Variants in AKAP19 observed in about 807,000 individuals in gnomAD.
AKAP19 encodes the protein A-kinase anchoring protein 19, also known as small A-kinase anchoring protein.
At chr2:189,929,032 C>A in the AKAP19 span, among the ~76,000 whole-genome samples, 1 of 152,082 alleles carries the variant, frequency 6.6e-6, no homozygotes, top group South Asian at 2.1e-4. Flanking sequence ...AGTATTCTTA[C>A]ATTAAATGGA....
At chr2:190,023,499 A>G in the AKAP19 span, among the ~76,000 whole-genome samples, 1 of 152,086 alleles carries the variant, frequency 6.6e-6, no homozygotes, top group Admixed American at 6.6e-5. Context: ...TGACTATAGA[A>G]TGATCCTTGT....
At chr2:190,041,147 C>T in the AKAP19 span, among the ~76,000 whole-genome samples, 1 of 152,132 alleles carries the variant, frequency 6.6e-6, no homozygotes, top group African/African-American at 2.4e-5. Context: ...ATCCTTCCTA[C>T]CCATGAGCAT....
chr2:190,137,657 G>C, the AKAP19 span: 17 of 152,178 alleles, frequency 1.1e-4, no homozygotes, highest in Non-Finnish European at 2.2e-4. Context: ...CAGAAAAACT[G>C]ATCGGAGGGT....
At chr2:190,149,540 A>G in the AKAP19 span, among the ~76,000 whole-genome samples, 1 of 152,132 alleles carries the variant, frequency 6.6e-6, no homozygotes, top group African/African-American at 2.4e-5. Context: ...CATTCAGTTC[A>G]AAGAATTTTA....
At chr2:189,979,866 G>A in the AKAP19 span, among the ~76,000 whole-genome samples, 2 of 152,152 alleles carry the variant, frequency 1.3e-5, no homozygotes, top group Non-Finnish European at 2.9e-5. Context: ...AAAGTATGAT[G>A]AGATACCATC....
the AKAP19 span, among the ~76,000 whole-genome samples, chr2:190,011,785 T>G: frequency 6.6e-6 from 1 of 152,194 alleles, no homozygotes; most frequent in Non-Finnish European, 1.5e-5. Context: ...TTTCCATTGG[T>G]CTGTGTATCC....
At chr2:190,124,885 C>A in the AKAP19 span, among the ~76,000 whole-genome samples, 1 of 151,770 alleles carries the variant, frequency 6.6e-6, no homozygotes, top group South Asian at 2.1e-4. Context: ...TTATTTTTTA[C>A]TTTTAAACTT....
the AKAP19 span, among the ~76,000 whole-genome samples, chr2:189,899,388 A>G: frequency 6.6e-6 from 1 of 152,028 alleles, no homozygotes; most frequent in Non-Finnish European, 1.5e-5. Flanking sequence ...CCTTTATGTG[A>G]TCTCCTCTCC....
chr2:189,952,221 T>C, the AKAP19 span, among the ~76,000 whole-genome samples: 2 of 152,226 alleles, frequency 1.3e-5, no homozygotes, highest in African/African-American at 4.8e-5. Flanking sequence ...ATAAAACTTG[T>C]ATGCTTTTTC....
chr2:190,103,440 C>A, the AKAP19 span, among the ~76,000 whole-genome samples: 1 of 152,146 alleles, frequency 6.6e-6, no homozygotes, highest in Admixed American at 6.5e-5. Context: ...TTAGAAAGTC[C>A]CAAAGACTCT....
the AKAP19 span, among the ~76,000 whole-genome samples, chr2:189,979,461 C>A: frequency 1.3e-5 from 2 of 152,178 alleles, no homozygotes; most frequent in East Asian, 3.9e-4. Context: ...TATAAGACCT[C>A]AAACTATAAA....
At chr2:190,202,207 A>G in the AKAP19 span, 1 of 167,034 alleles carries the variant, frequency 6.0e-6, no homozygotes, top group Non-Finnish European at 1.5e-5. Context: ...GCCCTTCCTC[A>G]GCAACTATGG....
chr2:189,958,698 C>A, the AKAP19 span, among the ~76,000 whole-genome samples: 1 of 150,612 alleles, frequency 6.6e-6, no homozygotes, highest in Non-Finnish European at 1.5e-5. Flanking sequence ...GAAAAAAAAA[C>A]CTCCAAATGT....
At chr2:190,104,084 G>A in the AKAP19 span, among the ~76,000 whole-genome samples, 3 of 152,140 alleles carry the variant, frequency 2.0e-5, no homozygotes, top group Admixed American at 6.5e-5. Flanking sequence ...TAAGCAATGA[G>A]GAAAGGACTC....
the AKAP19 span, chr2:190,200,196 A>C: frequency 2.0e-6 from 3 of 1,535,882 alleles, 1 homozygote; most frequent in South Asian, 3.5e-5. Context: ...AGTTTGAATA[A>C]ATGTGACAAA....
chr2:189,902,954 G>GAA, the AKAP19 span, among the ~76,000 whole-genome samples: 1 of 148,828 alleles, frequency 6.7e-6, no homozygotes, highest in Admixed American at 6.7e-5. Context: ...AACTACAGAG[G>GAA]AAAAAAAAAC....
chr2:189,885,707 A>G, the AKAP19 span, among the ~76,000 whole-genome samples: 4 of 152,238 alleles, frequency 2.6e-5, no homozygotes, highest in African/African-American at 9.6e-5. Context: ...GGGATTGGAA[A>G]TTCATCTGAC....
At chr2:189,923,666 T>C in the AKAP19 span, 13 of 1,613,820 alleles carry the variant, frequency 8.1e-6, 1 homozygote, top group South Asian at 1.4e-4. Flanking sequence ...CTCTTTTGAC[T>C]TGGATTGTGA....
the AKAP19 span, among the ~76,000 whole-genome samples, chr2:190,096,742 T>C: frequency 0.023 from 3,549 of 152,322 alleles, 63 homozygotes; most frequent in Non-Finnish European, 0.035. Context: ...TTCTGGAGGC[T>C]GGGAAATCCA....
Sources: allele counts gnomAD v4.1 joint callset (sites outside exome capture counted in the v4.1 genomes callset), GRCh38; gene constraint gnomAD v4.1.1; transcripts MANE v1.5; gene names NCBI Gene and HGNC (gene_info 2026-07-23, HGNC 2026-07-21).